PKHD1L1: variants seen among roughly 807,000 people sequenced by gnomAD.
The protein encoded by PKHD1L1 is fibrocystin-L.
In PKHD1L1, 434 loss-of-function variants were observed where a neutral mutation model predicts 462.9. The observed-to-expected ratio is 0.94, with a 90% CI of 0.87 to 1.02. The LOEUF (loss-of-function observed/expected upper bound fraction) is 1.02. PKHD1L1 is among the 50% of genes least tolerant of loss of function. PKHD1L1 has a pLI of 0.00. For synonymous variants in PKHD1L1, 1,781 were observed against 1,750.0 expected, an observed-to-expected ratio of 1.02 and a Z score of -0.44; for missense variants, 5,202 against 5,096.1, an observed-to-expected ratio of 1.02 and a Z score of -0.63.
chr8:109,375,447 C>A (rs1251049302), intron 2 of PKHD1L1, among the ~76,000 whole-genome samples: 18 of 152,130 alleles, frequency 1.2e-4, no homozygotes, highest in Admixed American at 1.2e-3. Flanking sequence ...TTGGTTCGAA[C>A]TTCCTCCTTT....
In PKHD1L1 at chr8:109,465,056, C is replaced by T; in HGVS notation, c.8224C>T (p.His2742Tyr). ...TGAAGGCTTGACTGTCTCTTCTGTG[C>T]ACTTTATGAACTTTGACCGTCCCAA... ...FSEGLTVSSVHFMNFDRPNCV... is the reference protein window; with the variant it reads ...FSEGLTVSSVYFMNFDRPNCV... Residue 2742 changes from histidine to tyrosine, a missense_variant, in exon 49 of 78, where the codon CAC becomes TAC. This residue lies in a region of PKHD1L1 where 4,497 missense variants were observed against 4,336.8 expected (regional missense o/e 1.04). Coordinates refer to ENST00000378402, the MANE Select transcript of PKHD1L1 (RefSeq NM_177531.6). 6.2e-7 allele frequency: 1 copy of T among 1,613,820 alleles called. No individual in the cohort carries two copies. The highest frequency in any genetic ancestry group is 8.5e-7 in the Non-Finnish European group (1 of 1,179,796).
In PKHD1L1 at chr8:109,440,807, G is replaced by T. The variant is rs1388772696; in HGVS notation, c.4054G>T (p.Gly1352Cys). The change falls in exon 33 of 78, where the codon GGT becomes TGT. Residue 1352 changes from glycine (G) to cysteine (C), a missense_variant. Transcript: ENST00000378402. ...LFGGTEITIR[G>C]FGFSTIPAEN... ...TGGTGGAACTGAAATCACCATAAGG[G>T]GTTTTGGATTCAGCACAATACCAGC... is the stretch of plus-strand genomic sequence containing the variant. 1.9e-6 allele frequency: 3 copies of T among 1,612,944 alleles called. No homozygotes were observed. The highest frequency in any genetic ancestry group is 2.2e-5 in the South Asian group (2 of 91,020).
chr8:109,450,557 G>A (rs751972884), intron 40 of PKHD1L1, among the ~76,000 whole-genome samples: 18 of 152,046 alleles, frequency 1.2e-4, no homozygotes, highest in Non-Finnish European at 7.4e-5. Context: ...GCATCTTCTC[G>A]TTATGTTTTT....
At chr8:109,406,557 C>G (rs955789589) in intron 17 of PKHD1L1, 79 bp downstream of exon 17, 8 of 1,385,910 alleles carry the variant, frequency 5.8e-6, no homozygotes, top group Middle Eastern at 2.4e-4. Flanking sequence ...CATAAGATGA[C>G]AGAGAAAAAG....
intron 33 of PKHD1L1, 26 bp downstream of exon 33, chr8:109,440,878 G>C: frequency 6.2e-7 from 1 of 1,603,902 alleles, no homozygotes; most frequent in Non-Finnish European, 8.5e-7. Flanking sequence ...ATAGGAAAGT[G>C]ATTATCATTT....
intron 39 of PKHD1L1, among the ~76,000 whole-genome samples, chr8:109,449,083 A>T (rs1816334573): frequency 6.6e-6 from 1 of 152,136 alleles, no homozygotes. Context: ...CATCTTTTTT[A>T]AATAAAATTT....
intron 71 of PKHD1L1, among the ~76,000 whole-genome samples, chr8:109,512,682 C>CT (rs1312604355): frequency 6.6e-6 from 1 of 152,032 alleles, no homozygotes; most frequent in Non-Finnish European, 1.5e-5. Context: ...GTTGCGGGCT[C>CT]TTTTTTTGTT....
At position 109,465,197 on chromosome 8, in the gene PKHD1L1, C is replaced by A. The variant is rs377699317; in HGVS notation, c.8365C>A (p.Arg2789Ser). ...YSHTPNKAGFRWEHEMVMIDV... is the reference protein window; with the variant it reads ...YSHTPNKAGFSWEHEMVMIDV... ...TCACACACCGAACAAGGCTGGCTTT[C>A]GCTGGGAACATGAAATGGTAATGAT... Residue 2789 changes from arginine to serine, a missense_variant, in exon 49 of 78, where the codon CGC becomes AGC. Physicochemically the swap from Arg to Ser is moderately radical, Grantham distance 110 (BLOSUM62 -1). Around this residue, in one of 3 missense-constraint regions of PKHD1L1, gnomAD observed 4,497 missense variants for 4,336.8 expected, o/e 1.04. Transcript: ENST00000378402. 9.3e-6 allele frequency: 15 copies of A among 1,613,490 alleles called. No individual in the cohort carries two copies. The highest frequency in any genetic ancestry group is 1.3e-5 in the Non-Finnish European group (15 of 1,179,704).
intron 76 of PKHD1L1, among the ~76,000 whole-genome samples, chr8:109,524,683 G>A (rs369132988): frequency 9.2e-5 from 14 of 152,114 alleles, no homozygotes; most frequent in Non-Finnish European, 1.8e-4. Context: ...TCTTTCATAC[G>A]TTAAGTTTTT....
At position 109,497,201 on chromosome 8, in the gene PKHD1L1, G is replaced by GCCAT; in HGVS notation, c.10529_10532dup (p.Phe3512HisfsTer18). The GCCAT allele has an allele frequency of 6.2e-7, 1 of 1,613,492 alleles. No homozygotes were observed. Among genetic ancestry groups the GCCAT allele is most frequent in the Non-Finnish European group, 8.5e-7 (1 of 1,179,642 alleles). On this transcript the variant is annotated frameshift_variant, in exon 65 of 78. Coordinates refer to ENST00000378402, the MANE Select transcript of PKHD1L1 (RefSeq NM_177531.6). LOFTEE classifies it high-confidence loss of function. ...TGTGACCCTGGTTGACAATGGAATG[G>GCCAT]CCATTTTTCCAATGATTTACATGCC...
At chr8:109,471,006 C>T in intron 50 of PKHD1L1, 1 of 1,610,356 alleles carries the variant, frequency 6.2e-7, no homozygotes, top group Non-Finnish European at 8.5e-7. Context: ...TTTCACAGTC[C>T]AGTTGGGTCA....
At chr8:109,455,302 C>T (rs943295606) in intron 45 of PKHD1L1, among the ~76,000 whole-genome samples, 10 of 152,182 alleles carry the variant, frequency 6.6e-5, no homozygotes, top group African/African-American at 1.4e-4. Flanking sequence ...CACACCACTG[C>T]GCTCTAGGCT....
At position 109,522,209 on chromosome 8, in the gene PKHD1L1, C is replaced by T; in HGVS notation, c.12055C>T (p.Gln4019Ter). The change falls in exon 74 of 78, where the codon CAG (glutamine) becomes TAG (stop). Residue 4019 changes from glutamine to a stop codon, truncating the protein, a stop_gained. Transcript: ENST00000378402. LOFTEE classifies it high-confidence loss of function. ...AGGTCAGATGCAGTTATCTGAACTC[C>T]AGGAAATTGCTGGTTCTCTTGGACA... Reference protein sequence around the residue: ...TTGQMQLSELQEIAGSLGQAV... With the variant: ...TTGQMQLSEL 1 of 1,603,454 alleles carries T rather than the reference C, an allele frequency of 6.2e-7. No individual in the cohort carries two copies.
chr8:109,507,975 AC>A, intron 69 of PKHD1L1, 80 bp downstream of exon 69: 4 of 1,524,626 alleles, frequency 2.6e-6, no homozygotes, highest in Non-Finnish European at 3.6e-6. Flanking sequence ...TGACTTGCCT[AC>A]TCAACCAATA....
chr8:109,498,950 AT>A (rs1188862508), intron 67 of PKHD1L1, 179 bp downstream of exon 67: 2 of 606,786 alleles, frequency 3.3e-6, no homozygotes, highest in African/African-American at 3.7e-5. Context: ...TCTTGGCAGG[AT>A]TCTTATACTG....
chr8:109,478,743 T>G (rs925652250), intron 53 of PKHD1L1, among the ~76,000 whole-genome samples: 1 of 152,166 alleles, frequency 6.6e-6, no homozygotes, highest in Non-Finnish European at 1.5e-5. Flanking sequence ...CAGATTTAGA[T>G]TGCTCTAGGC....
rs1356502217 is a variant in PKHD1L1, at chr8:109,534,978, T to C, written c.*4888T>C. Among the ~76,000 whole-genome samples the C allele has an allele frequency of 6.6e-6, 1 of 152,192 alleles. No homozygotes were observed. The highest frequency in any genetic ancestry group is 6.5e-5 in the Admixed American group (1 of 15,278). On this transcript the variant is annotated 3_prime_UTR_variant, in exon 78 of 78. Transcript: ENST00000378402. ...AAGTGCTTAGCACACACTCTGCCCA[T>C]GGTAAGTGTTAAATAAACTTTCTGA... is the stretch of plus-strand genomic sequence containing the variant.
chr8:109,366,187 G>C (rs1811221698), intron 2 of PKHD1L1, among the ~76,000 whole-genome samples: 1 of 152,132 alleles, frequency 6.6e-6, no homozygotes, highest in Non-Finnish European at 1.5e-5. Flanking sequence ...GACGTTCTGA[G>C]GCAATTAGCC....
At chr8:109,470,810 A>G (rs1329314337) in intron 50 of PKHD1L1, 1 of 1,516,300 alleles carries the variant, frequency 6.6e-7, no homozygotes, top group Admixed American at 1.8e-5. Flanking sequence ...AAGGATGAAC[A>G]AGTTGAAAAG....
Sources: gnomAD v4.1 joint callset for allele counts (sites outside exome capture counted in the v4.1 genomes callset) on GRCh38, gnomAD v4.1.1 for gene constraint, gnomAD v4.1.1 regional missense constraint, MANE v1.5 for transcripts, NCBI Gene and HGNC (gene_info 2026-07-23, HGNC 2026-07-21) for gene names.